The following CELF4 variants were observed in gnomAD, a reference collection of about 807,000 sequenced individuals.
CELF4 encodes CUGBP Elav-like family member 4.
A neutral mutation model predicts 59.9 loss-of-function variants in CELF4; 18 were observed. The ratio of observed to expected loss-of-function variants is 0.30; its 90% CI spans 0.21 to 0.45. The LOEUF (loss-of-function observed/expected upper bound fraction) is 0.45. Among genes scored for constraint, CELF4 ranks in the 20% least tolerant of loss-of-function variants. CELF4 has a pLI of 1.00. For synonymous variants in CELF4, 261 were observed against 267.1 expected, an observed-to-expected ratio of 0.98 and a Z score of 0.22; for missense variants, 456 against 689.0, an observed-to-expected ratio of 0.66 and a Z score of 3.79.
chr18:37,486,246 C>A (rs973396780), intron 1 of CELF4, among the ~76,000 whole-genome samples: 1 of 152,122 alleles, frequency 6.6e-6, no homozygotes, highest in African/African-American at 2.4e-5. Flanking sequence ...TCCAGGCCAC[C>A]GACTTACAGC....
intron 10 of CELF4, among the ~76,000 whole-genome samples, chr18:37,259,550 T>C (rs887151343): frequency 1.3e-5 from 2 of 152,152 alleles, no homozygotes; most frequent in African/African-American, 4.8e-5. Flanking sequence ...TTAGAAACCC[T>C]AGGGCTCCAG....
At chr18:37,563,798 T>G (rs2154606392) in intron 1 of CELF4, among the ~76,000 whole-genome samples, 1 of 152,244 alleles carries the variant, frequency 6.6e-6, no homozygotes, top group Non-Finnish European at 1.5e-5. Context: ...GCCATTAACT[T>G]TAAGATTTAC....
At chr18:37,422,324 T>C (rs1026164415) in intron 2 of CELF4, among the ~76,000 whole-genome samples, 1 of 152,200 alleles carries the variant, frequency 6.6e-6, no homozygotes, top group South Asian at 2.1e-4. Context: ...GAAACACAGC[T>C]GCATTTCCCT....
chr18:37,565,654 C>T lies in CELF4; in HGVS notation c.-13G>A. ...TCTTTATATACATAGAGAAAATCTT[C>T]TTTCCTTTTATTCTTTCTCGCTCAC... On this transcript the variant is annotated 5_prime_UTR_variant, in exon 1 of 13. Coordinates refer to ENST00000420428, the MANE Select transcript of CELF4 (RefSeq NM_020180.4). The T allele has an allele frequency of 6.4e-7, 1 of 1,568,572 alleles. No homozygotes were observed. The highest frequency in any genetic ancestry group is 8.6e-7 in the Non-Finnish European group (1 of 1,156,996).
At chr18:37,394,354 A>T (rs1026355402) in intron 2 of CELF4, among the ~76,000 whole-genome samples, 1 of 152,150 alleles carries the variant, frequency 6.6e-6, no homozygotes, top group Non-Finnish European at 1.5e-5. Flanking sequence ...AGCCGCCGTG[A>T]CCTTAGACCT....
Position 37,447,215 on chromosome 18 carries a change from C to T in CELF4, c.369+38310G>A, listed in dbSNP as rs949212798. 3.3e-5 allele frequency among the ~76,000 whole-genome samples: 5 copies of T among 152,368 alleles called. No homozygotes were observed. In the East Asian group the frequency reaches 5.8e-4, roughly 18 times the overall value. On this transcript the variant is annotated intron_variant, in intron 2 of 12. Transcript: ENST00000420428. ...GGCTCTGGAGCCCAGAAGCCAATCA[C>T]CAAACACTTGGCATCCAAATTCATG...
chr18:37,412,369 G>A (rs1334223761), intron 2 of CELF4, among the ~76,000 whole-genome samples: 1 of 152,174 alleles, frequency 6.6e-6, no homozygotes, highest in Non-Finnish European at 1.5e-5. Context: ...GAGACAGCAT[G>A]TTTCTTCTTG....
At chr18:37,483,680 C>T (rs1206802801) in intron 2 of CELF4, among the ~76,000 whole-genome samples, 3 of 152,172 alleles carry the variant, frequency 2.0e-5, no homozygotes, top group Admixed American at 6.5e-5. Flanking sequence ...TGGCGCGTCG[C>T]TCCAATGTGC....
intron 1 of CELF4, among the ~76,000 whole-genome samples, chr18:37,535,059 G>A (rs962188668): frequency 3.9e-5 from 6 of 152,218 alleles, no homozygotes; most frequent in African/African-American, 1.4e-4. Context: ...GAAGCTGTCT[G>A]AAGGCATGGC....
intron 2 of CELF4, among the ~76,000 whole-genome samples, chr18:37,388,656 C>T (rs547654134): frequency 2.6e-5 from 4 of 152,260 alleles, no homozygotes; most frequent in Admixed American, 6.5e-5. Context: ...ATGGGCCATA[C>T]GAGAAGTAGT....
At chr18:37,545,350 C>T (rs568177284) in intron 1 of CELF4, among the ~76,000 whole-genome samples, 2 of 152,340 alleles carry the variant, frequency 1.3e-5, no homozygotes, top group Admixed American at 6.5e-5. Flanking sequence ...CAAAATGACT[C>T]ACGCTGGAGC....
intron 2 of CELF4, among the ~76,000 whole-genome samples, chr18:37,476,710 TC>T (rs1338732800): frequency 6.6e-6 from 1 of 152,090 alleles, no homozygotes; most frequent in Non-Finnish European, 1.5e-5. Context: ...AACACATCCA[TC>T]CCGGAGCAGG....
chr18:37,264,259 A>AGGGAT (rs1310972407), intron 10 of CELF4, among the ~76,000 whole-genome samples: 2 of 152,228 alleles, frequency 1.3e-5, no homozygotes, highest in Non-Finnish European at 2.9e-5. Context: ...GTTCTGCTTA[A>AGGGAT]GGGATGGTTC....
rs2099973975 is a variant in CELF4 at position 37,536,918 on chromosome 18, G to T, written c.286+28438C>A. On this transcript the variant is annotated intron_variant, in intron 1 of 12. Transcript: ENST00000420428. ...GAGATGCCCCACCTTGCCAGGGGGT[G>T]CTGGCTGACTCACTTCACAAGATTC... Among the ~76,000 whole-genome samples the T allele has an allele frequency of 2.0e-5, 3 of 152,180 alleles. No individual in the cohort carries two copies. The South Asian group carries it at 6.2e-4, about 32-fold the overall frequency.
At chr18:37,484,080 C>T (rs895179126) in intron 2 of CELF4, among the ~76,000 whole-genome samples, 2 of 152,124 alleles carry the variant, frequency 1.3e-5, no homozygotes, top group Non-Finnish European at 2.9e-5. Flanking sequence ...GGCTTTTAGC[C>T]ACCATGAAAC....
At chr18:37,352,876 G>T (rs1230381092) in intron 2 of CELF4, among the ~76,000 whole-genome samples, 2 of 152,122 alleles carry the variant, frequency 1.3e-5, no homozygotes, top group East Asian at 3.9e-4. Flanking sequence ...GGGACGGGGT[G>T]GAACAGCGCC....
intron 2 of CELF4, among the ~76,000 whole-genome samples, chr18:37,361,039 C>G (rs1377786090): frequency 6.6e-6 from 1 of 152,028 alleles, no homozygotes; most frequent in African/African-American, 2.4e-5. Flanking sequence ...AGCAGCCATG[C>G]CCCTCCCCAC....
intron 10 of CELF4, among the ~76,000 whole-genome samples, chr18:37,263,113 C>T (rs1414176770): frequency 4.6e-5 from 7 of 152,102 alleles, no homozygotes; most frequent in South Asian, 4.1e-4. Flanking sequence ...CAGACTCAGC[C>T]GGCTTGGTCC....
intron 2 of CELF4, among the ~76,000 whole-genome samples, chr18:37,458,852 T>C (rs2099785865): frequency 1.3e-5 from 2 of 152,240 alleles, no homozygotes; most frequent in Admixed American, 1.3e-4. Flanking sequence ...GTTTGCAGAG[T>C]TACTCCTTGC....
Sources: gnomAD v4.1 joint callset for allele counts (sites outside exome capture counted in the v4.1 genomes callset) on GRCh38, gnomAD v4.1.1 for gene constraint, MANE v1.5 for transcripts, NCBI Gene and HGNC (gene_info 2026-07-23, HGNC 2026-07-21) for gene names.